SARNP: variants seen among roughly 807,000 people sequenced by gnomAD.
SARNP encodes SAP domain-containing ribonucleoprotein.
SARNP carries 5 observed loss-of-function variants against 38.1 expected under a neutral mutation model. That is an observed-to-expected ratio of 0.13 (90% CI 0.07 to 0.28). SARNP has a LOEUF of 0.28. Ranked by LOEUF, SARNP falls within the 10% of genes least tolerant of loss-of-function variation. The pLI is 1.00. For missense variants in SARNP, 180 were observed against 243.9 expected (o/e 0.74, Z 1.75); for synonymous variants, 84 against 80.6 (o/e 1.04, Z -0.23).
chr12:55,787,352 A>C (rs1879530099), intron 9 of SARNP, among the ~76,000 whole-genome samples: 1 of 151,934 alleles, frequency 6.6e-6, no homozygotes, highest in Non-Finnish European at 1.5e-5. Flanking sequence ...TTTTTTTCCC[A>C]AGCAAAATAT....
chr12:55,789,191 A>G, intron 8 of SARNP, 48 bp from the exon 9 acceptor site: 1 of 1,336,176 alleles, frequency 7.5e-7, no homozygotes, highest in South Asian at 1.3e-5. Flanking sequence ...ATCAAAACGG[A>G]AAACAAAAAA....
At chr12:55,806,843 T>C (rs189189283) in intron 1 of SARNP, among the ~76,000 whole-genome samples, 10 of 152,368 alleles carry the variant, frequency 6.6e-5, no homozygotes, top group African/African-American at 1.9e-4. Flanking sequence ...CGGCCTTAAA[T>C]CAAGAATTTT....
chr12:55,753,134 GACA>G (rs766734850), downstream of SARNP: 7 of 152,176 alleles, frequency 4.6e-5, no homozygotes, highest in South Asian at 2.1e-4. Flanking sequence ...CAGTCCCAAA[GACA>G]ACAAGACCCC....
At chr12:55,808,680 G>C (rs1880230044) in intron 1 of SARNP, among the ~76,000 whole-genome samples, 1 of 151,902 alleles carries the variant, frequency 6.6e-6, no homozygotes. Context: ...AGGAACGCTT[G>C]AACCTGGGAG....
chr12:55,810,499 C>G (rs1454774587), intron 1 of SARNP, among the ~76,000 whole-genome samples: 1 of 149,834 alleles, frequency 6.7e-6, no homozygotes, highest in African/African-American at 2.5e-5. Context: ...GTCACTCAGG[C>G]TGGAGTACAG....
Position 55,800,606 on chromosome 12 carries a change from C to T in SARNP, c.207G>A (p.Glu69=), listed in dbSNP as rs1307162832. ...ETEEEETKPI[E]LPVKEEEPPE... ...GGGGTTCTTCCTCTTTGACAGGGAG[C>T]TCAATGGGCTTTGTTTCTTCTTCCT... The change falls in exon 4 of 11, where the codon GAG becomes GAA. Residue 69 remains glutamate (E), a synonymous_variant. Transcript: ENST00000336133. 1.9e-6 allele frequency: 3 copies of T among 1,611,984 alleles called. 1 individual carries two copies. In the South Asian group the frequency reaches 3.3e-5, roughly 18 times the overall value.
intron 9 of SARNP, among the ~76,000 whole-genome samples, chr12:55,787,660 T>C (rs770704227): frequency 2.0e-5 from 3 of 152,162 alleles, no homozygotes; most frequent in Non-Finnish European, 4.4e-5. Flanking sequence ...TGGTCTCAAC[T>C]CCTGACCTCA....
chr12:55,773,213 C>T (rs1879064414), intron 9 of SARNP, among the ~76,000 whole-genome samples: 1 of 152,182 alleles, frequency 6.6e-6, no homozygotes, highest in East Asian at 1.9e-4. Context: ...GGAAGGCCTA[C>T]AGAGCTGTAT....
chr12:55,783,520 A>G (rs940186214), intron 9 of SARNP, among the ~76,000 whole-genome samples: 13 of 152,140 alleles, frequency 8.5e-5, no homozygotes, highest in African/African-American at 3.1e-4. Flanking sequence ...CTTAAGCTGG[A>G]AACATGAACA....
rs143451058 is a variant in SARNP, at chr12:55,772,253, C to G, written c.502-11613G>C. 1.1e-4 allele frequency among the ~76,000 whole-genome samples: 16 copies of G among 152,252 alleles called. No homozygotes were observed. In the East Asian group the frequency reaches 1.4e-3, roughly 13 times the overall value. ...ACCTCCCCAATATAACCACCTTAAC[C>G]TACTCTCAATAATCTCTTTCAAGTG... On this transcript the variant is annotated intron_variant, in intron 9 of 10. Coordinates refer to ENST00000336133, the MANE Select transcript of SARNP (RefSeq NM_033082.4).
intron 5 of SARNP, among the ~76,000 whole-genome samples, chr12:55,795,815 T>C (rs1879803054): frequency 6.6e-6 from 1 of 152,144 alleles, no homozygotes; most frequent in East Asian, 1.9e-4. Flanking sequence ...TAATATTACA[T>C]ATAAAAAGAC....
intron 9 of SARNP, among the ~76,000 whole-genome samples, chr12:55,771,895 G>C (rs1879020135): frequency 6.6e-6 from 1 of 152,104 alleles, no homozygotes; most frequent in African/African-American, 2.4e-5. Context: ...ACACGGCCTT[G>C]ACTTCCCAGA....
intron 1 of SARNP, among the ~76,000 whole-genome samples, chr12:55,810,158 A>G (rs1348345774): frequency 6.6e-6 from 1 of 152,106 alleles, no homozygotes; most frequent in Non-Finnish European, 1.5e-5. Flanking sequence ...TGTTGCCCAG[A>G]CTGGAATGCA....
At chr12:55,817,094 C>A (rs1485901049) in intron 1 of SARNP, among the ~76,000 whole-genome samples, 1 of 152,142 alleles carries the variant, frequency 6.6e-6, no homozygotes, top group Non-Finnish European at 1.5e-5. Context: ...CTCCTCAACC[C>A]CAGGCTTCTA....
At chr12:55,790,676 A>G in intron 7 of SARNP, 84 bp from the exon 8 acceptor site, 1 of 1,280,526 alleles carries the variant, frequency 7.8e-7, no homozygotes, top group Non-Finnish European at 1.0e-6. Flanking sequence ...GCAACATAAA[A>G]ACATCCTTTA....
chr12:55,756,108 TAG>T (rs778140264), downstream of SARNP: 1 of 151,692 alleles, frequency 6.6e-6, no homozygotes, highest in Non-Finnish European at 1.5e-5. Flanking sequence ...GAAGGCAGAG[TAG>T]AGAGAGGAAA....
intron 9 of SARNP, chr12:55,762,000 G>GT (rs1406087000): frequency 6.6e-6 from 1 of 152,284 alleles, no homozygotes; most frequent in African/African-American, 2.4e-5. Context: ...ATAAGCAAGA[G>GT]TTCAAACAAG....
intron 9 of SARNP, among the ~76,000 whole-genome samples, chr12:55,776,692 T>C (rs1229154143): frequency 6.6e-6 from 1 of 152,160 alleles, no homozygotes; most frequent in Non-Finnish European, 1.5e-5. Context: ...GGAGTGTGGA[T>C]AGATATTGCT....
intron 8 of SARNP, 24 bp from the exon 9 acceptor site, chr12:55,789,167 CAT>C (rs1376348062): frequency 4.6e-6 from 7 of 1,524,440 alleles, no homozygotes; most frequent in Non-Finnish European, 6.2e-6. Context: ...GGGGAAAGAA[CAT>C]AGTTTTAAAA....
Sources: allele counts gnomAD v4.1 joint callset (sites outside exome capture counted in the v4.1 genomes callset), GRCh38; gene constraint gnomAD v4.1.1; transcripts MANE v1.5; gene names NCBI Gene and HGNC (gene_info 2026-07-23, HGNC 2026-07-21).